The following DOCK3 variants were observed in gnomAD, a reference collection of about 807,000 sequenced individuals.
DOCK3 encodes dedicator of cytokinesis 3.
A neutral mutation model predicts 265.6 loss-of-function variants in DOCK3; 60 were observed. That is an observed-to-expected ratio of 0.23 (90% CI 0.18 to 0.28). DOCK3 has a LOEUF of 0.28. Among genes scored for constraint, DOCK3 ranks in the 10% least tolerant of loss-of-function variants. DOCK3 has a pLI of 1.00. For missense variants in DOCK3, 1,981 were observed against 2,594.3 expected, an observed-to-expected ratio of 0.76 and a Z score of 5.14; for synonymous variants, 881 against 938.0, an observed-to-expected ratio of 0.94 and a Z score of 1.11.
intron 12 of DOCK3, among the ~76,000 whole-genome samples, chr3:51,202,167 A>AAAATG (rs137931402): frequency 1.0e-5 from 1 of 96,988 alleles, no homozygotes; most frequent in Non-Finnish European, 2.1e-5. Context: ...AGAAATAACT[A>AAAATG]AGAGCAGAAC....
chr3:50,779,387 A>AT (rs199865725), intron 2 of DOCK3, among the ~76,000 whole-genome samples: 49 of 151,504 alleles, frequency 3.2e-4, no homozygotes, highest in Admixed American at 2.0e-4. Context: ...ATTTTTGTTT[A>AT]TTTATTTTTT....
intron 5 of DOCK3, among the ~76,000 whole-genome samples, chr3:51,025,812 A>G (rs1162254201): frequency 1.3e-5 from 2 of 152,028 alleles, no homozygotes; most frequent in East Asian, 3.9e-4. Flanking sequence ...CTACTTTTAT[A>G]TTTTATGCCA....
intron 51 of DOCK3, among the ~76,000 whole-genome samples, chr3:51,379,221 G>A (rs1479769078): frequency 6.6e-6 from 1 of 152,168 alleles, no homozygotes; most frequent in African/African-American, 2.4e-5. Context: ...ATACTCTTTA[G>A]ACATAAACTC....
chr3:51,344,547 G>C (rs1435092045), intron 38 of DOCK3, among the ~76,000 whole-genome samples: 1 of 152,224 alleles, frequency 6.6e-6, no homozygotes, highest in Non-Finnish European at 1.5e-5. Flanking sequence ...TTGAACATGG[G>C]AGGCGGAGGT....
chr3:50,743,795 A>G (rs1319502431), intron 1 of DOCK3, among the ~76,000 whole-genome samples: 1 of 152,214 alleles, frequency 6.6e-6, no homozygotes, highest in Non-Finnish European at 1.5e-5. Flanking sequence ...ACTTAGGAGT[A>G]GAATTCCTAG....
chr3:51,100,663 T>G (rs1446604267), intron 9 of DOCK3, among the ~76,000 whole-genome samples: 1 of 152,220 alleles, frequency 6.6e-6, no homozygotes, highest in Non-Finnish European at 1.5e-5. Context: ...ACAAAAATAC[T>G]AATTCTCTTC....
intron 5 of DOCK3, among the ~76,000 whole-genome samples, chr3:51,015,256 C>A (rs2079106412): frequency 6.6e-6 from 1 of 152,002 alleles, no homozygotes; most frequent in Non-Finnish European, 1.5e-5. Context: ...CAGTATGATA[C>A]CAGCCGTGAA....
chr3:51,183,887 C>T (rs1383803190), intron 12 of DOCK3, among the ~76,000 whole-genome samples: 1 of 152,146 alleles, frequency 6.6e-6, no homozygotes, highest in African/African-American at 2.4e-5. Flanking sequence ...AATATGTTCA[C>T]ATACATACAT....
At chr3:51,094,255 T>C (rs1576049348) in intron 9 of DOCK3, among the ~76,000 whole-genome samples, 1 of 152,334 alleles carries the variant, frequency 6.6e-6, no homozygotes, top group East Asian at 1.9e-4. Flanking sequence ...TACCAGCTCC[T>C]CTTTGTGTCT....
chr3:51,119,726 G>C (rs1451591917), intron 9 of DOCK3, among the ~76,000 whole-genome samples: 2 of 151,740 alleles, frequency 1.3e-5, no homozygotes, highest in Non-Finnish European at 2.9e-5. Flanking sequence ...TTCAGTCTCT[G>C]ATATCCTTTC....
chr3:50,925,696 A>C (rs2050718427), intron 4 of DOCK3, among the ~76,000 whole-genome samples: 2 of 152,184 alleles, frequency 1.3e-5, no homozygotes, highest in Admixed American at 1.3e-4. Context: ...TTTGAAAGAA[A>C]ACTTACTAAC....
intron 5 of DOCK3, among the ~76,000 whole-genome samples, chr3:51,032,144 GTA>G (rs1491029493): frequency 2.0e-5 from 3 of 151,792 alleles, no homozygotes; most frequent in Non-Finnish European, 4.4e-5. Context: ...GTGTGTGTGT[GTA>G]TAAGTGTGCA....
intron 9 of DOCK3, among the ~76,000 whole-genome samples, chr3:51,128,141 G>A (rs969928220): frequency 7.9e-5 from 12 of 152,162 alleles, no homozygotes; most frequent in East Asian, 5.8e-4. Flanking sequence ...CTGGAACTAA[G>A]ACCTCTAGGC....
At chr3:51,256,599 T>G (rs956619057) in intron 22 of DOCK3, among the ~76,000 whole-genome samples, 22 of 150,520 alleles carry the variant, frequency 1.5e-4, no homozygotes, top group South Asian at 6.3e-4. Flanking sequence ...TTTTGTTTTT[T>G]TTTTTTTTTT....
intron 4 of DOCK3, among the ~76,000 whole-genome samples, chr3:50,917,812 A>G (rs2050210254): frequency 6.6e-6 from 1 of 152,052 alleles, no homozygotes. Context: ...CATAACGTGC[A>G]GCTTTGTTAC....
At chr3:51,056,706 A>C (rs2081214484) in intron 5 of DOCK3, among the ~76,000 whole-genome samples, 1 of 152,216 alleles carries the variant, frequency 6.6e-6, no homozygotes, top group Admixed American at 6.5e-5. Flanking sequence ...AGTAGTAATG[A>C]AAAAAGAATG....
At chr3:50,821,982 A>G (rs1051290288) in intron 2 of DOCK3, among the ~76,000 whole-genome samples, 5 of 152,082 alleles carry the variant, frequency 3.3e-5, no homozygotes, top group South Asian at 2.1e-4. Flanking sequence ...TTGCTTTGCT[A>G]TTTGGGCTCC....
intron 5 of DOCK3, among the ~76,000 whole-genome samples, chr3:51,044,141 A>G (rs960804528): frequency 6.6e-6 from 1 of 152,178 alleles, no homozygotes; most frequent in Non-Finnish European, 1.5e-5. Context: ...TGTTCATTGT[A>G]GCACTATTCA....
intron 10 of DOCK3, among the ~76,000 whole-genome samples, chr3:51,153,239 C>T (rs1327753525): frequency 1.3e-5 from 2 of 152,204 alleles, no homozygotes; most frequent in Admixed American, 6.5e-5. Context: ...GCTGCTGCCT[C>T]GCAGGTCGAT....
Sources: gnomAD v4.1 joint callset for allele counts (sites outside exome capture counted in the v4.1 genomes callset) on GRCh38, gnomAD v4.1.1 for gene constraint, MANE v1.5 for transcripts, NCBI Gene and HGNC (gene_info 2026-07-23, HGNC 2026-07-21) for gene names.